Variants in SLC2A14 observed in about 807,000 individuals in gnomAD.
SLC2A14 encodes solute carrier family 2 member 14.
Under a neutral mutation model 43.0 loss-of-function variants are expected in SLC2A14, and 13 were observed. The observed-to-expected ratio is 0.30, with a 90% confidence interval of 0.20 to 0.48. SLC2A14 has a LOEUF of 0.48. Among genes scored for constraint, SLC2A14 ranks in the 20% least tolerant of loss-of-function variants. SLC2A14 has a pLI of 0.99. For missense variants in SLC2A14, 428 were observed against 620.4 expected (o/e 0.69, Z 3.29); for synonymous variants, 190 against 233.8 (o/e 0.81, Z 1.71).
intron 1 of SLC2A14, among the ~76,000 whole-genome samples, chr12:7,880,252 A>G (rs2121104000): frequency 6.6e-6 from 1 of 152,212 alleles, no homozygotes; most frequent in African/African-American, 2.4e-5. Flanking sequence ...GTGAGCCGAG[A>G]TCGCGCCATT....
At chr12:7,873,916 C>T (rs1257861548), upstream of SLC2A14, among the ~76,000 whole-genome samples, 1 of 152,066 alleles carries the variant, frequency 6.6e-6, no homozygotes, top group Non-Finnish European at 1.5e-5. Flanking sequence ...TGGAGCCTTA[C>T]CACGACAGCA....
intron 1 of SLC2A14, among the ~76,000 whole-genome samples, chr12:7,886,692 CTG>C (rs1945694290): frequency 6.6e-6 from 1 of 151,978 alleles, no homozygotes; most frequent in South Asian, 2.1e-4. Flanking sequence ...GGAAGGAAGA[CTG>C]TTAGTTGTGA....
chr12:7,831,696 G>C lies in SLC2A14; in HGVS notation c.180C>G (p.Leu60=), dbSNP rs1297975260. ...KANAPPSEVL[L]TNLWSLSVAI... The stretch of plus-strand genomic sequence containing the variant: ...CCACAGACAAGGACCAGAGATTCGT[G>C]AGCAGCACCTCAGAGGGAGGGGCAT... The change falls in exon 4 of 11, where the codon CTC becomes CTG. Residue 60 remains leucine, a synonymous_variant. Transcript: ENST00000431042. The C allele has an allele frequency of 6.2e-7, 1 of 1,614,232 alleles. No individual in the cohort carries two copies. The highest frequency in any genetic ancestry group is 1.7e-5 in the Admixed American group (1 of 60,024).
intron 2 of SLC2A14, among the ~76,000 whole-genome samples, chr12:7,862,504 C>T (rs28750840): frequency 1.3e-5 from 2 of 151,988 alleles, no homozygotes; most frequent in East Asian, 2.0e-4. Flanking sequence ...CGAGCCTCCC[C>T]GACGAATGCC....
intron 1 of SLC2A14, 127 bp from the exon 2 acceptor site, chr12:7,870,064 T>C (rs1945142912): frequency 1.9e-6 from 1 of 530,414 alleles, no homozygotes; most frequent in African/African-American, 1.9e-5. Flanking sequence ...AAAGTGAAAA[T>C]TTATATAATT....
chr12:7,888,502 T>C (rs1776096412), intron 1 of SLC2A14, among the ~76,000 whole-genome samples: 1 of 152,060 alleles, frequency 6.6e-6, no homozygotes, highest in Admixed American at 6.6e-5. Context: ...CAAAGATGTC[T>C]TTAAGATTTT....
At chr12:7,872,002 A>T in intron 1 of SLC2A14, 2 of 625,358 alleles carry the variant, frequency 3.2e-6, no homozygotes, top group Non-Finnish European at 4.0e-6. Context: ...GTAAGGTACT[A>T]TTTATTTATC....
upstream of SLC2A14, among the ~76,000 whole-genome samples, chr12:7,875,595 G>A (rs1451712268): frequency 6.6e-6 from 1 of 152,040 alleles, no homozygotes; most frequent in Non-Finnish European, 1.5e-5. Flanking sequence ...AAACCCCAGT[G>A]TGATGGTATT....
intron 2 of SLC2A14, among the ~76,000 whole-genome samples, chr12:7,862,291 A>C (rs1415482417): frequency 2.7e-5 from 4 of 149,962 alleles, no homozygotes; most frequent in African/African-American, 7.3e-5. Flanking sequence ...AAAAAAAAGA[A>C]GACACCAAAC....
chr12:7,849,860 A>C (rs1486371799), intron 2 of SLC2A14, among the ~76,000 whole-genome samples: 4 of 150,520 alleles, frequency 2.7e-5, no homozygotes, highest in African/African-American at 9.8e-5. Flanking sequence ...AGCCGAGATC[A>C]GGGCACTGAA....
chr12:7,813,293 C>T lies in SLC2A14; in HGVS notation c.*1023G>A, dbSNP rs963919630. 6.6e-6 allele frequency: 1 copy of T among 152,104 alleles called. No individual in the cohort carries two copies. The highest frequency in any genetic ancestry group is 1.5e-5 in the Non-Finnish European group (1 of 68,028). The allele number at this position is 152,104 out of a possible 1,614,324, so 9.4% of individuals were successfully genotyped here. A position where few individuals can be genotyped will look rare whatever the true frequency, so the allele number is the denominator to read the frequency against. Reference sequence around the variant, plus strand: ...CAAGAACCAATTATTTTAGGTTTCTCATTTGGATGGCTCTCCCACTAGATA... The same window carrying T: ...CAAGAACCAATTATTTTAGGTTTCTTATTTGGATGGCTCTCCCACTAGATA... On this transcript the variant is annotated 3_prime_UTR_variant, in exon 11 of 11. Transcript: ENST00000431042.
At chr12:7,840,160 C>CTTT (rs58740298) in intron 2 of SLC2A14, among the ~76,000 whole-genome samples, 3 of 68,796 alleles carry the variant, frequency 4.4e-5, no homozygotes, top group African/African-American at 6.8e-5. Flanking sequence ...GAGTTTGCTC[C>CTTT]TTTTTTTTTT....
exon 1 of SLC2A14, chr12:7,891,041 C>T (rs1175963249): frequency 6.5e-7 from 1 of 1,535,116 alleles, no homozygotes; most frequent in Non-Finnish European, 8.7e-7. Flanking sequence ...GAGTGGAGGT[C>T]TGAGAAGAAA....
At chr12:7,882,337 A>G (rs1945597028) in intron 1 of SLC2A14, among the ~76,000 whole-genome samples, 2 of 152,012 alleles carry the variant, frequency 1.3e-5, no homozygotes, top group African/African-American at 2.4e-5. Flanking sequence ...CCAGAAGGAA[A>G]AAAGTCCAAA....
chr12:7,822,027 T>C (rs1331647445), intron 7 of SLC2A14, among the ~76,000 whole-genome samples: 5 of 151,880 alleles, frequency 3.3e-5, no homozygotes, highest in Non-Finnish European at 7.4e-5. Flanking sequence ...GGTTTCACCA[T>C]GTTAGCCAGG....
In SLC2A14 at chr12:7,842,645, C is replaced by A. The variant is rs764586055; in HGVS notation, c.19-9831G>T. Among the ~76,000 whole-genome samples, 27 of 152,046 alleles carry A rather than the reference C, an allele frequency of 1.8e-4. No homozygotes were observed. In the South Asian group the frequency reaches 5.4e-3, roughly 30 times the overall value. ...GACACAATCACCAGGCTACCACCCC[C>A]CTCCCCCCACTCACAGGAAAACAGC... is the stretch of plus-strand genomic sequence containing the variant. On this transcript the variant is annotated intron_variant, in intron 2 of 10. Coordinates refer to ENST00000431042, the MANE Select transcript of SLC2A14 (RefSeq NM_001286234.2).
chr12:7,853,195 C>T (rs747009764), intron 2 of SLC2A14, among the ~76,000 whole-genome samples: 16 of 151,882 alleles, frequency 1.1e-4, no homozygotes, highest in Non-Finnish European at 1.9e-4. Context: ...AATCCCAGAA[C>T]TTTGGGAGGC....
At chr12:7,854,114 A>G (rs771035408) in intron 2 of SLC2A14, among the ~76,000 whole-genome samples, 7 of 152,100 alleles carry the variant, frequency 4.6e-5, no homozygotes, top group Non-Finnish European at 1.0e-4. Flanking sequence ...TCATATATCT[A>G]TAGCCTGTCT....
Position 7,814,181 on chromosome 12 carries a change from T to C in SLC2A14, c.*135A>G. On this transcript the variant is annotated 3_prime_UTR_variant, in exon 11 of 11. Transcript: ENST00000431042. ...ACAAACTGCAGCCTTGGGGTGCTCATGGAGTGCGTGGGATGAGAAAGAAAT... is the reference window on the plus strand; with the variant it reads ...ACAAACTGCAGCCTTGGGGTGCTCACGGAGTGCGTGGGATGAGAAAGAAAT... The C allele has an allele frequency of 6.7e-7, 1 of 1,489,124 alleles. No homozygotes were observed. Among genetic ancestry groups the C allele is most frequent in the South Asian group, 1.3e-5 (1 of 74,566 alleles). The allele number at this position is 1,489,124 out of a possible 1,614,324, so 92.2% of individuals were successfully genotyped here.
Sources: gnomAD v4.1 joint callset for allele counts (sites outside exome capture counted in the v4.1 genomes callset) on GRCh38, gnomAD v4.1.1 for gene constraint, MANE v1.5 for transcripts, NCBI Gene and HGNC (gene_info 2026-07-23, HGNC 2026-07-21) for gene names.